The following KCNH5 variants were observed in gnomAD, a reference collection of about 807,000 sequenced individuals.
KCNH5 encodes voltage-gated delayed rectifier potassium channel KCNH5.
A neutral mutation model predicts 96.1 loss-of-function variants in KCNH5; 46 were observed. The ratio of observed to expected loss-of-function variants is 0.48; its 90% CI spans 0.38 to 0.61. KCNH5 has a LOEUF of 0.61. KCNH5 is among the 20% of genes least tolerant of loss of function. The pLI, the probability that KCNH5 is intolerant of heterozygous loss-of-function variation, is 0.00. For missense variants in KCNH5, 907 were observed against 1,225.8 expected, an observed-to-expected ratio of 0.74 and a Z score of 3.88; for synonymous variants, 439 against 449.8, an observed-to-expected ratio of 0.98 and a Z score of 0.30.
chr14:62,827,626 T>C (rs1038838611), intron 8 of KCNH5, among the ~76,000 whole-genome samples: 1 of 152,206 alleles, frequency 6.6e-6, no homozygotes, highest in East Asian at 1.9e-4. Context: ...TATATTACTA[T>C]CAAGAAGTCT....
At chr14:62,918,762 T>C (rs1021960707) in intron 7 of KCNH5, among the ~76,000 whole-genome samples, 1 of 152,082 alleles carries the variant, frequency 6.6e-6, no homozygotes, top group African/African-American at 2.4e-5. Flanking sequence ...TCAAAATATG[T>C]CAGTAGACTG....
intron 10 of KCNH5, among the ~76,000 whole-genome samples, chr14:62,748,349 A>T (rs1343711001): frequency 6.6e-6 from 1 of 152,190 alleles, no homozygotes; most frequent in Non-Finnish European, 1.5e-5. Flanking sequence ...CAAAATTAGG[A>T]ATGTCTTTCT....
chr14:62,925,684 C>T (rs1052972538), intron 7 of KCNH5, among the ~76,000 whole-genome samples: 2 of 152,062 alleles, frequency 1.3e-5, no homozygotes, highest in Non-Finnish European at 2.9e-5. Flanking sequence ...AGCCATTGTC[C>T]TTTGTGCCCA....
rs1223225244 is a variant in KCNH5 at position 62,703,410 on chromosome 14, T to A, written c.*4098A>T. The A allele has an allele frequency of 6.6e-6, 1 of 151,924 alleles. No homozygotes were observed. Among genetic ancestry groups the A allele is most frequent in the African/African-American group, 2.4e-5 (1 of 41,444 alleles). The allele number at this position is 151,924 out of a possible 1,614,324, so 9.4% of individuals were successfully genotyped here. A position where few individuals can be genotyped will look rare whatever the true frequency, so the allele number is the denominator to read the frequency against. On this transcript the variant is annotated 3_prime_UTR_variant, in exon 11 of 11. Transcript: ENST00000322893. The stretch of plus-strand genomic sequence containing the variant: ...AGAATGAAAAAGTGATCACTTGTCA[T>A]AATGTGATTTTCACCTGCAAGAAAG...
chr14:62,782,718 G>A (rs2139979018), intron 9 of KCNH5, among the ~76,000 whole-genome samples: 1 of 152,248 alleles, frequency 6.6e-6, no homozygotes, highest in South Asian at 2.1e-4. Flanking sequence ...GGCTGAGGCA[G>A]GAGAATGGCG....
chr14:62,750,554 C>G (rs554615070), intron 10 of KCNH5, among the ~76,000 whole-genome samples: 3 of 152,180 alleles, frequency 2.0e-5, no homozygotes, highest in Non-Finnish European at 4.4e-5. Context: ...TCTCCCTTAG[C>G]CACATTAGAG....
At chr14:62,749,739 TA>T (rs778744674) in intron 10 of KCNH5, among the ~76,000 whole-genome samples, 1 of 152,210 alleles carries the variant, frequency 6.6e-6, no homozygotes, top group Non-Finnish European at 1.5e-5. Context: ...CTACAGGTAA[TA>T]AAGACAGCCA....
intron 3 of KCNH5, among the ~76,000 whole-genome samples, chr14:63,002,062 A>G (rs1375869073): frequency 6.6e-6 from 1 of 152,168 alleles, no homozygotes; most frequent in Non-Finnish European, 1.5e-5. Flanking sequence ...TTGATGTCCG[A>G]TGTACACAGA....
intron 9 of KCNH5, among the ~76,000 whole-genome samples, chr14:62,789,577 C>G (rs992059809): frequency 4.6e-5 from 7 of 151,954 alleles, no homozygotes; most frequent in Non-Finnish European, 8.8e-5. Context: ...TTCTCCACAC[C>G]CTCATCAACA....
intron 7 of KCNH5, among the ~76,000 whole-genome samples, chr14:62,948,742 T>C (rs1889942233): frequency 6.6e-6 from 1 of 150,664 alleles, no homozygotes. Flanking sequence ...TTGATGAACA[T>C]TGATGCAAAA....
chr14:62,862,051 C>T (rs536036360), intron 7 of KCNH5, among the ~76,000 whole-genome samples: 3 of 152,212 alleles, frequency 2.0e-5, no homozygotes, highest in East Asian at 1.9e-4. Flanking sequence ...GGAATCTTTG[C>T]TTTTCCGTGG....
chr14:62,909,601 G>T (rs1433388330), intron 7 of KCNH5, among the ~76,000 whole-genome samples: 4 of 152,102 alleles, frequency 2.6e-5, no homozygotes, highest in African/African-American at 9.7e-5. Context: ...CAAAATAGAA[G>T]TGGATGTTCT....
chr14:62,781,997 A>C (rs1886228867), intron 9 of KCNH5, among the ~76,000 whole-genome samples: 1 of 152,198 alleles, frequency 6.6e-6, no homozygotes. Context: ...AAAAGTATTA[A>C]TTTGGGGAAC....
Position 62,802,485 on chromosome 14 carries a change from C to A in KCNH5, c.1666G>T (p.Asp556Tyr), listed in dbSNP as rs150842380. The A allele has an allele frequency of 1.2e-6, 2 of 1,614,116 alleles. No homozygotes were observed. Among genetic ancestry groups the A allele is most frequent in the Non-Finnish European group, 1.7e-6 (2 of 1,180,008 alleles). Residue 556 changes from aspartate to tyrosine, a missense_variant, in exon 9 of 11, where the codon GAT (aspartate) becomes TAT (tyrosine). By Grantham distance (160) the Asp-to-Tyr change is radical. Transcript: ENST00000322893. The stretch of plus-strand genomic sequence containing the variant: ...ACCGCCAAGGCGCGCAGACACCCAT[C>A]GCTGGCCAATCGAAAAGCAGGATGT... The part of the protein sequence containing the change: ...NEHPAFRLAS[D>Y]GCLRALAVEF...
At chr14:62,779,581 A>T in intron 10 of KCNH5, 147 bp downstream of exon 10, 1 of 578,186 alleles carries the variant, frequency 1.7e-6, no homozygotes, top group Non-Finnish European at 2.8e-6. Context: ...AACAAAATAT[A>T]AATAAAGAGA....
chr14:62,726,914 AATG>A (rs1392618829), intron 10 of KCNH5, among the ~76,000 whole-genome samples: 3 of 152,244 alleles, frequency 2.0e-5, no homozygotes, highest in Non-Finnish European at 4.4e-5. Flanking sequence ...AAAACTCTAC[AATG>A]AAAATTGTTG....
intron 9 of KCNH5, among the ~76,000 whole-genome samples, chr14:62,799,722 TATATACAC>T (rs1163988560): frequency 1.4e-4 from 15 of 109,794 alleles, no homozygotes; most frequent in African/African-American, 4.9e-4. Flanking sequence ...TATATATATA[TATATACAC>T]ACACACACAC....
At chr14:62,831,645 A>G (rs967915252) in intron 8 of KCNH5, among the ~76,000 whole-genome samples, 7 of 152,126 alleles carry the variant, frequency 4.6e-5, no homozygotes, top group Non-Finnish European at 8.8e-5. Flanking sequence ...GTATATTTCA[A>G]TATGTTCTCC....
chr14:62,779,836 G>A lies in KCNH5; in HGVS notation c.1911C>T (p.Asp637=), dbSNP rs746774360. Residue 637 remains aspartate, a synonymous_variant, in exon 10 of 11, where the codon GAC becomes GAT. Coordinates refer to ENST00000322893, the MANE Select transcript of KCNH5 (RefSeq NM_139318.5). ...CANVRALTYC[D]LHIIKREALL... ...AGGCTTCCCGCTTGATGATGTGTAG[G>A]TCACAGTACGTCAGTGCCCGGACGT... 4 of 1,613,536 alleles carry A rather than the reference G, an allele frequency of 2.5e-6. No individual in the cohort carries two copies. Among genetic ancestry groups the A allele is most frequent in the Non-Finnish European group, 3.4e-6 (4 of 1,179,720 alleles).
Sources: allele counts gnomAD v4.1 joint callset (sites outside exome capture counted in the v4.1 genomes callset), GRCh38; gene constraint gnomAD v4.1.1; transcripts MANE v1.5; gene names NCBI Gene and HGNC (gene_info 2026-07-23, HGNC 2026-07-21).